Variants in SLC14A2 observed in about 807,000 individuals in gnomAD.
The protein encoded by SLC14A2 is urea transporter 2.
SLC14A2 carries 91 observed loss-of-function variants against 104.6 expected under a neutral mutation model. That is an observed-to-expected ratio of 0.87 (90% confidence interval 0.73 to 1.04). The LOEUF (loss-of-function observed/expected upper bound fraction) is 1.04, where lower values mean the gene tolerates loss of function less well. SLC14A2 is among the 50% of genes least tolerant of loss of function. The pLI, the probability that SLC14A2 is intolerant of heterozygous loss-of-function variation, is 0.00. For synonymous variants in SLC14A2, 476 were observed against 466.4 expected (o/e 1.02, Z -0.27); for missense variants, 1,189 against 1,156.0 (o/e 1.03, Z -0.41).
chr18:45,523,199 CTCCA>C (rs1396246970), intron 2 of SLC14A2, among the ~76,000 whole-genome samples: 2 of 386 alleles, frequency 5.2e-3, no homozygotes, highest in Non-Finnish European at 0.011. Flanking sequence ...GTTCCTCCAG[CTCCA>C]GCCCCAGCCC....
chr18:45,500,928 C>A (rs1385770967), intron 2 of SLC14A2, among the ~76,000 whole-genome samples: 2 of 152,130 alleles, frequency 1.3e-5, no homozygotes, highest in African/African-American at 4.8e-5. Flanking sequence ...GATAACATAG[C>A]AAGAAGTATT....
chr18:45,498,538 A>AT (rs1477652395), intron 2 of SLC14A2, among the ~76,000 whole-genome samples: 2 of 152,184 alleles, frequency 1.3e-5, no homozygotes, highest in East Asian at 3.9e-4. Flanking sequence ...GGCAGGAATC[A>AT]TGCAAGAAGC....
At chr18:45,513,973 A>C (rs10502866) in intron 2 of SLC14A2, among the ~76,000 whole-genome samples, 11,757 of 152,246 alleles carry the variant, frequency 0.077, 751 homozygotes, top group African/African-American at 0.18. Flanking sequence ...GTTAATTTTC[A>C]GGTAGAGATC....
At chr18:45,659,850 C>T (rs767631796) in intron 10 of SLC14A2, among the ~76,000 whole-genome samples, 7 of 151,518 alleles carry the variant, frequency 4.6e-5, no homozygotes, top group Non-Finnish European at 7.4e-5. Context: ...ACAGGCTGGA[C>T]GTGGTGGCTC....
intron 1 of SLC14A2, among the ~76,000 whole-genome samples, chr18:45,253,620 C>T (rs750224525): frequency 1.4e-4 from 21 of 151,940 alleles, no homozygotes; most frequent in African/African-American, 4.6e-4. Flanking sequence ...GGAGGATAAT[C>T]AAGGATTAAA....
intron 1 of SLC14A2, among the ~76,000 whole-genome samples, chr18:45,304,717 A>G (rs1462140500): frequency 6.6e-6 from 1 of 152,196 alleles, no homozygotes; most frequent in Non-Finnish European, 1.5e-5. Context: ...CTGAGGAGAG[A>G]GCAGCCTAAC....
At chr18:45,474,259 T>G (rs2087311310) in intron 1 of SLC14A2, among the ~76,000 whole-genome samples, 1 of 152,240 alleles carries the variant, frequency 6.6e-6, no homozygotes, top group Admixed American at 6.5e-5. Context: ...CTTTTTGATG[T>G]GCTGCTGGAT....
intron 1 of SLC14A2, among the ~76,000 whole-genome samples, chr18:45,456,542 ACT>A (rs1038807352): frequency 2.6e-5 from 4 of 152,046 alleles, no homozygotes; most frequent in African/African-American, 7.2e-5. Context: ...TGGTGAAGAC[ACT>A]CTCTCCAAGT....
intron 1 of SLC14A2, among the ~76,000 whole-genome samples, chr18:45,449,795 G>A (rs1250131165): frequency 6.6e-6 from 1 of 152,176 alleles, no homozygotes; most frequent in East Asian, 1.9e-4. Flanking sequence ...GCACTACTAG[G>A]CCCAAAACGT....
At chr18:45,489,651 A>T (rs2087682230) in intron 2 of SLC14A2, among the ~76,000 whole-genome samples, 1 of 152,206 alleles carries the variant, frequency 6.6e-6, no homozygotes, top group African/African-American at 2.4e-5. Context: ...GACCCAGGGC[A>T]TATAAATCCC....
intron 2 of SLC14A2, among the ~76,000 whole-genome samples, chr18:45,497,238 C>A (rs1467921797): frequency 6.6e-6 from 1 of 152,178 alleles, no homozygotes; most frequent in Non-Finnish European, 1.5e-5. Flanking sequence ...TACCCTACTG[C>A]TTCCTGGACT....
chr18:45,186,618 A>G, the SLC14A2 span, among the ~76,000 whole-genome samples: 3 of 152,188 alleles, frequency 2.0e-5, no homozygotes, highest in Non-Finnish European at 2.9e-5. Flanking sequence ...TTTTGGACCC[A>G]TCAGAGGACT....
intron 2 of SLC14A2, among the ~76,000 whole-genome samples, chr18:45,563,319 C>A (rs552282245): frequency 2.0e-5 from 3 of 152,290 alleles, no homozygotes; most frequent in African/African-American, 7.2e-5. Flanking sequence ...TGACCGGGAG[C>A]TCTCTGTAGG....
At chr18:45,309,999 A>G (rs1404460462) in intron 1 of SLC14A2, among the ~76,000 whole-genome samples, 1 of 151,876 alleles carries the variant, frequency 6.6e-6, no homozygotes, top group African/African-American at 2.4e-5. Flanking sequence ...TTTTCACTCA[A>G]CAGATTGGTT....
chr18:45,299,136 A>G (rs551687144), intron 1 of SLC14A2, among the ~76,000 whole-genome samples: 2 of 152,384 alleles, frequency 1.3e-5, no homozygotes, highest in East Asian at 3.9e-4. Context: ...TCACCGGAAG[A>G]TAGCTCAGCT....
At chr18:45,345,238 A>T (rs2085436054) in intron 1 of SLC14A2, among the ~76,000 whole-genome samples, 2 of 152,002 alleles carry the variant, frequency 1.3e-5, no homozygotes, top group Admixed American at 1.3e-4. Flanking sequence ...TCCTGTATTT[A>T]CTCTGTGTTT....
At chr18:45,410,053 T>C (rs956890077) in intron 1 of SLC14A2, among the ~76,000 whole-genome samples, 74 of 152,140 alleles carry the variant, frequency 4.9e-4, no homozygotes, top group African/African-American at 1.7e-3. Flanking sequence ...AGGAATTAGA[T>C]TCTCATAAGG....
chr18:45,240,079 G>A (rs534466243), intron 1 of SLC14A2, among the ~76,000 whole-genome samples: 2 of 147,772 alleles, frequency 1.4e-5, no homozygotes, highest in Non-Finnish European at 1.5e-5. Context: ...AAACATGAGA[G>A]TGCAAATATC....
At chr18:45,244,329 G>A (rs898197777) in intron 1 of SLC14A2, among the ~76,000 whole-genome samples, 21 of 152,128 alleles carry the variant, frequency 1.4e-4, no homozygotes, top group Admixed American at 8.5e-4. Context: ...TAAAAAAGCC[G>A]GGGGGAGGGG....
Sources: gnomAD v4.1 joint callset for allele counts (sites outside exome capture counted in the v4.1 genomes callset) on GRCh38, gnomAD v4.1.1 for gene constraint, MANE v1.5 for transcripts, NCBI Gene and HGNC (gene_info 2026-07-23, HGNC 2026-07-21) for gene names.